STAG2: variants seen among roughly 807,000 people sequenced by gnomAD.
STAG2 encodes cohesin subunit SA-2.
STAG2 carries 14 observed loss-of-function variants against 108.1 expected under a neutral mutation model. The ratio of observed to expected loss-of-function variants is 0.13; its 90% CI spans 0.09 to 0.20. The LOEUF is 0.20. Among genes scored for constraint, STAG2 ranks in the 10% least tolerant of loss-of-function variants. STAG2 has a pLI of 1.00. For missense variants in STAG2, 440 were observed against 940.9 expected, an observed-to-expected ratio of 0.47 and a Z score of 6.96; for synonymous variants, 307 against 302.7, an observed-to-expected ratio of 1.01 and a Z score of -0.15.
intron 1 of STAG2, among the ~76,000 whole-genome samples, chrX:123,966,824 G>A (rs1431642713): frequency 8.9e-6 from 1 of 111,792 alleles, no homozygotes; most frequent in Non-Finnish European, 1.9e-5. Context: ...ATAGATCTTT[G>A]ATACTCACCA....
chrX:123,988,787 G>A (rs1455716805), intron 1 of STAG2, among the ~76,000 whole-genome samples: 1 of 111,295 alleles, frequency 9.0e-6, no homozygotes, highest in East Asian at 2.8e-4. Flanking sequence ...GATTTTAAAA[G>A]AAGCTTGTTA....
intron 1 of STAG2, among the ~76,000 whole-genome samples, chrX:123,998,348 T>A (rs1272973436): frequency 2.1e-4 from 22 of 105,875 alleles, no homozygotes; most frequent in Admixed American, 6.2e-4. Context: ...TTTTTTTTTT[T>A]TAAGTAGAGA....
At chrX:124,009,429 A>G (rs2056431948) in intron 1 of STAG2, among the ~76,000 whole-genome samples, 1 of 89,979 alleles carries the variant, frequency 1.1e-5, no homozygotes, top group Admixed American at 1.4e-4. Flanking sequence ...GTAGGTAGGT[A>G]GGTAGGTAGG....
chrX:124,015,595 GA>G (rs1290720173), intron 1 of STAG2, among the ~76,000 whole-genome samples: 4 of 109,280 alleles, frequency 3.7e-5, no homozygotes, highest in Non-Finnish European at 7.6e-5. Flanking sequence ...TGTTGGTCTT[GA>G]ACTCCTGACC....
At chrX:124,058,045 C>T in intron 15 of STAG2, 68 bp downstream of exon 15, 1 of 557,666 alleles carries the variant, frequency 1.8e-6, no homozygotes, top group East Asian at 4.3e-5. Context: ...AAATGAGGCA[C>T]ATTTAAAAAA....
Position 124,074,769 on chromosome X carries a change from A to G in STAG2, c.2534-1563A>G, listed in dbSNP as rs1175429425. On this transcript the variant is annotated intron_variant, in intron 25 of 34. Transcript: ENST00000371145. ...ACATTCCTTAACATCCACAAGAGAAAAAGTTGGCTAATTCTTGACAAGCCA... is the reference window on the plus strand; with the variant it reads ...ACATTCCTTAACATCCACAAGAGAAGAAGTTGGCTAATTCTTGACAAGCCA... Among the ~76,000 whole-genome samples the G allele has an allele frequency of 8.9e-5, 10 of 112,065 alleles. No individual in the cohort carries two copies. The Admixed American group carries it at 9.5e-4, about 11-fold the overall frequency.
chrX:123,968,965 C>CT (rs921749843), intron 1 of STAG2, among the ~76,000 whole-genome samples: 14 of 111,761 alleles, frequency 1.3e-4, no homozygotes, highest in Non-Finnish European at 2.4e-4. Flanking sequence ...AACCTTTGTG[C>CT]TTTTTTGTTA....
At chrX:123,964,911 T>A (rs2054023299) in intron 1 of STAG2, among the ~76,000 whole-genome samples, 1 of 110,209 alleles carries the variant, frequency 9.1e-6, no homozygotes, top group Non-Finnish European at 1.9e-5. Context: ...TTGGTCTCCC[T>A]TAATTAGTGC....
At chrX:124,086,083 C>G (rs1397327920) in intron 29 of STAG2, among the ~76,000 whole-genome samples, 3 of 110,546 alleles carry the variant, frequency 2.7e-5, no homozygotes, top group Non-Finnish European at 5.7e-5. Context: ...TTCAATTATC[C>G]TTTCTTTCGT....
intron 1 of STAG2, among the ~76,000 whole-genome samples, chrX:123,974,820 G>T (rs1423744821): frequency 1.9e-5 from 2 of 103,023 alleles, no homozygotes. Flanking sequence ...GTAGTGATCC[G>T]CCCGCCTTGG....
In STAG2 at chrX:123,969,979, TA is replaced by T. The variant is rs1395619770; in HGVS notation, c.-163+8125del. Among the ~76,000 whole-genome samples, 697 of 97,608 alleles carry T rather than the reference TA, an allele frequency of 7.1e-3. 16 individuals carry two copies. The highest frequency in any genetic ancestry group is 0.026 in the African/African-American group (658 of 24,938). The allele number at this position is 97,608 out of a possible 115,157, so 84.8% of individuals were successfully genotyped here. A position where few individuals can be genotyped will look rare whatever the true frequency, so the allele number is the denominator to read the frequency against. On this transcript the variant is annotated intron_variant, in intron 1 of 34. Transcript: ENST00000371145. ...TTTTTTTTTTTTTTTTTTTTTTTTT[TA>T]ATTGTAACTGAAGTTTTTTTTATCT... is the stretch of plus-strand genomic sequence containing the variant.
rs768109232 is a variant in STAG2 at position 124,047,596 on chromosome X, GT to G, written c.819+96del. The G allele has an allele frequency of 3.4e-3, 2,591 of 753,422 alleles. 52 individuals carry two copies. The African/African-American group carries it at 0.051, about 15-fold the overall frequency. 62.1% of individuals were successfully genotyped at this position (753,422 alleles called of 1,213,427 possible). ...AACTTTGCTAGTGGCTCAGATAATT[GT>G]TTTTGAAATATTTAAATGTAAATAA... is the stretch of plus-strand genomic sequence containing the variant. On this transcript the variant is annotated intron_variant, in intron 9 of 34. Coordinates refer to ENST00000371145, the MANE Select transcript of STAG2 (RefSeq NM_001042750.2).
At chrX:124,036,760 T>C (rs1290249089) in intron 5 of STAG2, among the ~76,000 whole-genome samples, 1 of 111,890 alleles carries the variant, frequency 8.9e-6, no homozygotes, top group Non-Finnish European at 1.9e-5. Context: ...TTCTAGCCTA[T>C]TTTCTTTTTT....
intron 25 of STAG2, among the ~76,000 whole-genome samples, chrX:124,076,083 T>A (rs1025978517): frequency 8.9e-6 from 1 of 111,846 alleles, no homozygotes. Context: ...TAGGCAAGTT[T>A]AGCCTGACTT....
chrX:124,004,925 G>A (rs1036315858), intron 1 of STAG2, among the ~76,000 whole-genome samples: 5 of 111,175 alleles, frequency 4.5e-5, no homozygotes, highest in African/African-American at 1.6e-4. Flanking sequence ...CATTGATACA[G>A]TCCATATACA....
intron 1 of STAG2, among the ~76,000 whole-genome samples, chrX:124,002,268 T>G (rs1385698787): frequency 9.0e-6 from 1 of 111,718 alleles, no homozygotes; most frequent in Non-Finnish European, 1.9e-5. Flanking sequence ...AGTTTCTTCT[T>G]GCCTCCTTTC....
chrX:124,095,555 C>G, intron 34 of STAG2, 106 bp downstream of exon 34: 1 of 584,775 alleles, frequency 1.7e-6, no homozygotes, highest in Non-Finnish European at 2.8e-6. Context: ...TAGATGAAAA[C>G]AGCTGGATGT....
intron 1 of STAG2, among the ~76,000 whole-genome samples, chrX:123,973,940 T>C (rs1373533952): frequency 1.8e-5 from 2 of 111,582 alleles, no homozygotes; most frequent in Admixed American, 1.9e-4. Flanking sequence ...AGTTGGACTT[T>C]GTCACTACAG....
chrX:124,012,201 AG>A (rs755173105), intron 1 of STAG2, among the ~76,000 whole-genome samples: 1 of 112,134 alleles, frequency 8.9e-6, no homozygotes, highest in South Asian at 3.6e-4. Flanking sequence ...CTGGTTTGCT[AG>A]TATTTTGTTA....
Sources: allele counts gnomAD v4.1 joint callset (sites outside exome capture counted in the v4.1 genomes callset), GRCh38; gene constraint gnomAD v4.1.1; transcripts MANE v1.5; gene names NCBI Gene and HGNC (gene_info 2026-07-23, HGNC 2026-07-21).